The following CPA6 variants were observed in gnomAD, a reference collection of about 807,000 sequenced individuals.
The protein encoded by CPA6 is carboxypeptidase A6.
CPA6 carries 58 observed loss-of-function variants against 63.3 expected under a neutral mutation model. That is an observed-to-expected ratio of 0.92 (90% confidence interval 0.74 to 1.14). The LOEUF (loss-of-function observed/expected upper bound fraction) is 1.14, where lower values mean the gene tolerates loss of function less well. Ranked by LOEUF, CPA6 falls within the 50% of genes most tolerant of loss-of-function variation. CPA6 has a pLI of 0.00. For synonymous variants in CPA6, 185 were observed against 179.0 expected, an observed-to-expected ratio of 1.03 and a Z score of -0.27; for missense variants, 565 against 526.6, an observed-to-expected ratio of 1.07 and a Z score of -0.71.
At chr8:67,473,918 T>TA (rs1007221543) in intron 8 of CPA6, among the ~76,000 whole-genome samples, 130 of 146,368 alleles carry the variant, frequency 8.9e-4, no homozygotes, top group African/African-American at 2.0e-3. Flanking sequence ...CAGAGGAGAT[T>TA]AAAAAAAAAA....
At chr8:67,565,447 C>A (rs1813314524) in intron 2 of CPA6, among the ~76,000 whole-genome samples, 1 of 152,130 alleles carries the variant, frequency 6.6e-6, no homozygotes, top group Admixed American at 6.6e-5. Flanking sequence ...TTTAGTCAGA[C>A]CTCTGTTAGG....
chr8:67,728,628 G>C (rs1817649372), intron 1 of CPA6, among the ~76,000 whole-genome samples: 1 of 152,170 alleles, frequency 6.6e-6, no homozygotes, highest in Admixed American at 6.5e-5. Flanking sequence ...TTTTAGAAAT[G>C]AAACTGTAGA....
intron 6 of CPA6, among the ~76,000 whole-genome samples, chr8:67,506,489 C>T (rs533490250): frequency 6.6e-6 from 1 of 152,122 alleles, no homozygotes; most frequent in Non-Finnish European, 1.5e-5. Context: ...TTAGCTGTGC[C>T]ATATATGCAT....
At chr8:67,674,645 C>G (rs1816427962) in intron 1 of CPA6, among the ~76,000 whole-genome samples, 1 of 152,146 alleles carries the variant, frequency 6.6e-6, no homozygotes, top group Non-Finnish European at 1.5e-5. Flanking sequence ...CAGAGCTATC[C>G]TTCGACCCAG....
chr8:67,730,553 G>A (rs1817686727), intron 1 of CPA6, among the ~76,000 whole-genome samples: 2 of 152,160 alleles, frequency 1.3e-5, no homozygotes, highest in Admixed American at 6.5e-5. Flanking sequence ...CCTGGAGGTT[G>A]GGGGATGGGG....
intron 2 of CPA6, among the ~76,000 whole-genome samples, chr8:67,586,763 A>G (rs1813949003): frequency 6.6e-6 from 1 of 152,148 alleles, no homozygotes; most frequent in African/African-American, 2.4e-5. Context: ...GGTTGTTAAG[A>G]TTAGAAGGGG....
chr8:67,550,849 G>A (rs878894513), intron 2 of CPA6, among the ~76,000 whole-genome samples: 2 of 152,072 alleles, frequency 1.3e-5, no homozygotes, highest in African/African-American at 4.8e-5. Flanking sequence ...TTTGAGAAAT[G>A]TCTGTTCATG....
At chr8:67,685,480 A>G (rs1226835532) in intron 1 of CPA6, among the ~76,000 whole-genome samples, 1 of 152,096 alleles carries the variant, frequency 6.6e-6, no homozygotes, top group Non-Finnish European at 1.5e-5. Context: ...TTAGCCGGGC[A>G]TGGTGGCGGG....
intron 1 of CPA6, among the ~76,000 whole-genome samples, chr8:67,643,257 G>C (rs1587663947): frequency 6.6e-6 from 1 of 152,248 alleles, no homozygotes; most frequent in East Asian, 1.9e-4. Flanking sequence ...CCAAGAGGTA[G>C]GAGAGTCATA....
At chr8:67,619,825 G>T (rs1815039664) in intron 2 of CPA6, among the ~76,000 whole-genome samples, 1 of 152,158 alleles carries the variant, frequency 6.6e-6, no homozygotes, top group Non-Finnish European at 1.5e-5. Flanking sequence ...TTCCTGTTCA[G>T]CCCATCACCT....
chr8:67,573,191 C>G (rs1206268161), intron 2 of CPA6, among the ~76,000 whole-genome samples: 1 of 152,136 alleles, frequency 6.6e-6, no homozygotes, highest in Admixed American at 6.6e-5. Context: ...AAATTAGAAA[C>G]CTTTCCTCTA....
At position 67,722,474 on chromosome 8, in the gene CPA6, G is replaced by A. The variant is rs142930778; in HGVS notation, c.116+23540C>T. Among the ~76,000 whole-genome samples, 76 of 152,266 alleles carry A rather than the reference G, an allele frequency of 5.0e-4. 2 individuals carry two copies. In the East Asian group the frequency reaches 0.014, roughly 28 times the overall value. On this transcript the variant is annotated intron_variant, in intron 1 of 10. Coordinates refer to ENST00000297770, the MANE Select transcript of CPA6 (RefSeq NM_020361.5). The stretch of plus-strand genomic sequence containing the variant: ...CGCTCATTTCCTTCTAGATGTGTGC[G>A]GTGAAGTAAACTAGGCTGTGACCTG...
At chr8:67,646,476 T>G (rs1294011903) in intron 1 of CPA6, among the ~76,000 whole-genome samples, 1 of 152,212 alleles carries the variant, frequency 6.6e-6, no homozygotes, top group South Asian at 2.1e-4. Flanking sequence ...GGAACGACTT[T>G]GTTGGTAACA....
intron 1 of CPA6, chr8:67,735,592 CTAATA>C (rs1364513200): frequency 9.2e-5 from 14 of 151,942 alleles, no homozygotes; most frequent in Non-Finnish European, 2.9e-5. Flanking sequence ...CATAACTTAC[CTAATA>C]TAATACCTTG....
chr8:67,690,118 G>A (rs1023061548), intron 1 of CPA6, among the ~76,000 whole-genome samples: 1 of 151,934 alleles, frequency 6.6e-6, no homozygotes, highest in Non-Finnish European at 1.5e-5. Context: ...TTTTTAATAG[G>A]GTTATTTGTT....
chr8:67,707,102 T>G (rs1232928991), intron 1 of CPA6, among the ~76,000 whole-genome samples: 3 of 152,204 alleles, frequency 2.0e-5, no homozygotes, highest in African/African-American at 7.2e-5. Context: ...ACAATTATTG[T>G]CTTATTTTGA....
Position 67,541,683 on chromosome 8 carries a change from G to A in CPA6, c.193-23636C>T, listed in dbSNP as rs189194215. On this transcript the variant is annotated intron_variant, in intron 2 of 10. Coordinates refer to ENST00000297770, the MANE Select transcript of CPA6 (RefSeq NM_020361.5). ...AGCCCTTCTTTAACTCGGTGTCTGA[G>A]GGGTTTTGTCTGCGGCTTGTCCTGC... 5.5e-3 allele frequency among the ~76,000 whole-genome samples: 841 copies of A among 152,296 alleles called. 9 individuals carry two copies. The highest frequency in any genetic ancestry group is 0.031 in the Middle Eastern group (9 of 294).
intron 1 of CPA6, among the ~76,000 whole-genome samples, chr8:67,738,710 TA>T (rs1169014245): frequency 1.3e-5 from 2 of 152,202 alleles, no homozygotes; most frequent in African/African-American, 4.8e-5. Flanking sequence ...AATAATCTTT[TA>T]GGAAATTTAT....
chr8:67,637,380 G>A (rs1815492500), intron 1 of CPA6, among the ~76,000 whole-genome samples: 1 of 151,586 alleles, frequency 6.6e-6, no homozygotes, highest in African/African-American at 2.4e-5. Flanking sequence ...GCAATAACAT[G>A]TAATAATGTC....
Sources: allele counts gnomAD v4.1 joint callset (sites outside exome capture counted in the v4.1 genomes callset), GRCh38; gene constraint gnomAD v4.1.1; transcripts MANE v1.5; gene names NCBI Gene and HGNC (gene_info 2026-07-23, HGNC 2026-07-21).